Variants in HMCN1 observed in about 807,000 individuals in gnomAD.
HMCN1 encodes the protein hemicentin 1.
A neutral mutation model predicts 625.9 loss-of-function variants in HMCN1; 321 were observed. The observed-to-expected ratio is 0.51, with a 90% CI of 0.47 to 0.56. The LOEUF (loss-of-function observed/expected upper bound fraction) is 0.56, where lower values mean the gene tolerates loss of function less well. HMCN1 is among the 20% of genes least tolerant of loss of function. The pLI is 0.00. For missense variants in HMCN1, 6,588 were observed against 6,887.3 expected (o/e 0.96, Z 1.54); for synonymous variants, 2,425 against 2,417.6 (o/e 1.00, Z -0.09).
chr1:186,071,103 A>AT (rs529850373), intron 52 of HMCN1, among the ~76,000 whole-genome samples: 74 of 152,168 alleles, frequency 4.9e-4, no homozygotes, highest in African/African-American at 1.6e-3. Context: ...AGTTCTTTTC[A>AT]TTTTTTTGCT....
chr1:186,127,715 C>T (rs754287496), intron 82 of HMCN1, among the ~76,000 whole-genome samples: 1 of 152,038 alleles, frequency 6.6e-6, no homozygotes, highest in South Asian at 2.1e-4. Context: ...TCTTTGGTAC[C>T]GCCTTAGAGA....
Position 186,136,688 on chromosome 1 carries a change from G to A in HMCN1, c.13333G>A (p.Glu4445Lys), listed in dbSNP as rs1192219867. 5 of 1,613,790 alleles carry A rather than the reference G, an allele frequency of 3.1e-6. No individual in the cohort carries two copies. The highest frequency in any genetic ancestry group is 4.2e-6 in the Non-Finnish European group (5 of 1,179,854). Residue 4445 changes from glutamate to lysine, a missense_variant, in exon 87 of 107, where the codon GAG becomes AAG. Coordinates refer to ENST00000271588, the MANE Select transcript of HMCN1 (RefSeq NM_031935.3). ...CGTAGGTCCTCCTATTATCACTCTT[G>A]AGCCAGTGGAAACTGTTATTAATGC... is the stretch of plus-strand genomic sequence containing the variant. ...TLQSPPIITL[E>K]PVETVINAGG...
At chr1:186,189,472 C>T in intron 106 of HMCN1, 40 bp from the exon 107 acceptor site, 1 of 1,609,136 alleles carries the variant, frequency 6.2e-7, no homozygotes, top group Non-Finnish European at 8.5e-7. Context: ...CCTCCTACTT[C>T]CAGATAACTA....
intron 6 of HMCN1, among the ~76,000 whole-genome samples, chr1:185,915,803 C>T (rs1329053803): frequency 2.6e-5 from 4 of 152,044 alleles, no homozygotes; most frequent in Non-Finnish European, 5.9e-5. Context: ...ATGCTGGCCT[C>T]CTATTAGTCT....
At chr1:185,945,004 A>G (rs1668264694) in intron 11 of HMCN1, among the ~76,000 whole-genome samples, 1 of 152,248 alleles carries the variant, frequency 6.6e-6, no homozygotes, top group Admixed American at 6.5e-5. Flanking sequence ...CAACTAAGAA[A>G]TAAATTATAT....
At chr1:185,801,923 TAA>T (rs1557980314) in intron 1 of HMCN1, among the ~76,000 whole-genome samples, 1 of 152,192 alleles carries the variant, frequency 6.6e-6, no homozygotes, top group Non-Finnish European at 1.5e-5. Flanking sequence ...GTAGATTATA[TAA>T]TCATGTTTAT....
chr1:186,152,942 C>G, intron 96 of HMCN1, 71 bp downstream of exon 96: 1 of 1,575,784 alleles, frequency 6.3e-7, no homozygotes, highest in Non-Finnish European at 8.7e-7. Context: ...ATAGAATGAG[C>G]ACAGATAACT....
At chr1:186,146,346 G>T (rs1374738347) in intron 93 of HMCN1, among the ~76,000 whole-genome samples, 1 of 152,186 alleles carries the variant, frequency 6.6e-6, no homozygotes, top group Middle Eastern at 3.2e-3. Flanking sequence ...AATAAGAGGA[G>T]TTCAGTTATC....
At chr1:186,062,808 C>A (rs376045399) in intron 48 of HMCN1, among the ~76,000 whole-genome samples, 2 of 151,682 alleles carry the variant, frequency 1.3e-5, no homozygotes, top group African/African-American at 4.8e-5. Flanking sequence ...TCTCATCTCT[C>A]AATCCCTCTC....
At chr1:186,086,743 G>A (rs550904787) in intron 58 of HMCN1, among the ~76,000 whole-genome samples, 10 of 151,892 alleles carry the variant, frequency 6.6e-5, no homozygotes, top group Non-Finnish European at 1.2e-4. Flanking sequence ...AGTTCCGTAA[G>A]GATAGATGAT....
chr1:185,787,098 T>C (rs1353520370), intron 1 of HMCN1, among the ~76,000 whole-genome samples: 2 of 152,060 alleles, frequency 1.3e-5, no homozygotes, highest in East Asian at 3.8e-4. Context: ...CATTTGTGTA[T>C]GTCAGAGTGA....
At chr1:185,964,085 C>G (rs1046753202) in intron 13 of HMCN1, among the ~76,000 whole-genome samples, 190 bp downstream of exon 13, 1 of 152,082 alleles carries the variant, frequency 6.6e-6, no homozygotes, top group Non-Finnish European at 1.5e-5. Flanking sequence ...TGAAAAGCTT[C>G]ATTAGTCAAC....
chr1:185,787,948 T>C (rs1657739506), intron 1 of HMCN1, among the ~76,000 whole-genome samples: 1 of 152,184 alleles, frequency 6.6e-6, no homozygotes, highest in Non-Finnish European at 1.5e-5. Context: ...AATGTATGCT[T>C]GAGTAAATAT....
At chr1:186,004,589 G>T (rs1048603371) in intron 29 of HMCN1, among the ~76,000 whole-genome samples, 1 of 152,050 alleles carries the variant, frequency 6.6e-6, no homozygotes, top group Non-Finnish European at 1.5e-5. Context: ...ATAAAATTTT[G>T]TTATTTACAG....
intron 1 of HMCN1, among the ~76,000 whole-genome samples, chr1:185,793,107 C>T (rs993696879): frequency 6.6e-6 from 1 of 152,040 alleles, no homozygotes; most frequent in Non-Finnish European, 1.5e-5. Flanking sequence ...TCTAGCATGG[C>T]TCTGATAGAT....
intron 24 of HMCN1, among the ~76,000 whole-genome samples, chr1:185,996,404 G>T (rs1005939078): frequency 1.3e-4 from 20 of 152,120 alleles, no homozygotes; most frequent in Non-Finnish European, 1.5e-5. Flanking sequence ...TCCAGACTGA[G>T]GGCTGAGTAA....
At chr1:185,878,204 C>G (rs932718552) in intron 4 of HMCN1, among the ~76,000 whole-genome samples, 2 of 152,096 alleles carry the variant, frequency 1.3e-5, no homozygotes, top group Non-Finnish European at 2.9e-5. Flanking sequence ...GACGTAATTT[C>G]ACTTCTTTTC....
intron 1 of HMCN1, among the ~76,000 whole-genome samples, chr1:185,831,228 A>G (rs1386892130): frequency 1.3e-5 from 2 of 152,186 alleles, no homozygotes; most frequent in African/African-American, 4.8e-5. Flanking sequence ...TGTTTATTTC[A>G]GGGGCATGAT....
intron 30 of HMCN1, among the ~76,000 whole-genome samples, chr1:186,008,694 T>C (rs1264240715): frequency 6.6e-6 from 1 of 152,140 alleles, no homozygotes; most frequent in East Asian, 1.9e-4. Context: ...TAATAGCACC[T>C]ATGCAGTAGT....
Sources: gnomAD v4.1 joint callset for allele counts (sites outside exome capture counted in the v4.1 genomes callset) on GRCh38, gnomAD v4.1.1 for gene constraint, MANE v1.5 for transcripts, NCBI Gene and HGNC (gene_info 2026-07-23, HGNC 2026-07-21) for gene names.